Variants in HOXA3 observed in about 807,000 individuals in gnomAD.
HOXA3 encodes the protein homeobox protein Hox-A3.
Under a neutral mutation model 30.3 loss-of-function variants are expected in HOXA3, and 8 were observed. That is an observed-to-expected ratio of 0.26 (90% CI 0.15 to 0.48). The LOEUF (loss-of-function observed/expected upper bound fraction) is 0.48. HOXA3 is among the 20% of genes least tolerant of loss of function. The pLI, the probability that HOXA3 is intolerant of heterozygous loss-of-function variation, is 0.99. For synonymous variants in HOXA3, 323 were observed against 273.1 expected (o/e 1.18, Z -1.80); for missense variants, 653 against 614.4 (o/e 1.06, Z -0.66).
chr7:27,121,270 ATTC>A (rs1224625204), intron 4 of HOXA3: 1 of 136,884 alleles, frequency 7.3e-6, no homozygotes, highest in Non-Finnish European at 1.6e-5. Context: ...TGTATGATAG[ATTC>A]TTATTTAACA....
intron 4 of HOXA3, among the ~76,000 whole-genome samples, chr7:27,115,122 A>T (rs1449164205): frequency 6.6e-6 from 1 of 151,264 alleles, no homozygotes; most frequent in African/African-American, 2.4e-5. Context: ...TCTCAAAGGA[A>T]GGTGTTAAAA....
chr7:27,113,373 G>A lies in HOXA3; in HGVS notation c.-120-2613C>T, dbSNP rs547296471. ...AGCGGGTTCGTCGGATAGGAGCCCCGAGTCCCCTGCCCACCTCTCCTTCCC... is the reference window on the plus strand; with the variant it reads ...AGCGGGTTCGTCGGATAGGAGCCCCAAGTCCCCTGCCCACCTCTCCTTCCC... On this transcript the variant is annotated intron_variant, in intron 4 of 5. Transcript: ENST00000612286. This position sits in a 1 kb window ranked among gnomAD's most constrained non-coding sequence, Gnocchi z 4.8. Among the ~76,000 whole-genome samples, 11 of 152,186 alleles carry A rather than the reference G, an allele frequency of 7.2e-5. No individual in the cohort carries two copies. The East Asian group carries it at 1.9e-3, about 27-fold the overall frequency.
chr7:27,110,258 G>A lies in HOXA3; in HGVS notation c.383C>T (p.Pro128Leu), dbSNP rs765017652. 8 of 1,613,574 alleles carry A rather than the reference G, an allele frequency of 5.0e-6. No homozygotes were observed. In the South Asian group the frequency reaches 7.7e-5, roughly 16 times the overall value. ...GGTAGGGTTGTTGCTGGCATTCTGA[G>A]GAGGGGAGGCAGAAGAGGGAGGCGG... ...APPPPSSASP[P>L]QNASNNPTPA... The change falls in exon 5 of 6, where the codon CCT becomes CTT. Residue 128 changes from proline (P) to leucine (L), a missense_variant. Pro to Leu is a moderately conservative substitution (Grantham distance 98, BLOSUM62 -3). Around this residue, in one of 3 missense-constraint regions of HOXA3, gnomAD observed 320 missense variants for 321.9 expected, o/e 0.99. Transcript: ENST00000612286.
chr7:27,121,206 T>A (rs1476197406), intron 4 of HOXA3: 1 of 148,988 alleles, frequency 6.7e-6, no homozygotes, highest in East Asian at 2.0e-4. Context: ...AAGGCTCTCT[T>A]AGCCCACTGT....
intron 2 of HOXA3, among the ~76,000 whole-genome samples, chr7:27,138,370 C>T (rs1483131330): frequency 6.6e-6 from 1 of 152,198 alleles, no homozygotes; most frequent in Non-Finnish European, 1.5e-5. Flanking sequence ...TAGGTGGCCT[C>T]TGCACAATAA....
chr7:27,118,288 C>T (rs375913763), intron 4 of HOXA3, among the ~76,000 whole-genome samples: 161 of 152,146 alleles, frequency 1.1e-3, no homozygotes, highest in Middle Eastern at 6.8e-3. Flanking sequence ...GAGGTGGGTG[C>T]GTGGGGGTTG....
At chr7:27,144,562 C>T (rs962117996) in intron 1 of HOXA3, among the ~76,000 whole-genome samples, 2 of 152,172 alleles carry the variant, frequency 1.3e-5, no homozygotes, top group Non-Finnish European at 2.9e-5. Flanking sequence ...CCAGCCGGGC[C>T]CCAAGTCGGA....
intron 2 of HOXA3, among the ~76,000 whole-genome samples, chr7:27,139,739 ACTGGGGGTGCGG>A (rs1395495136): frequency 6.6e-6 from 1 of 151,986 alleles, no homozygotes; most frequent in African/African-American, 2.4e-5. Context: ...TGCGCGGGGG[ACTGGGGGTGCGG>A]CCCTGCCAGG....
At chr7:27,109,606 C>G (rs1315073391) in intron 5 of HOXA3, among the ~76,000 whole-genome samples, 2 of 152,230 alleles carry the variant, frequency 1.3e-5, no homozygotes, top group Non-Finnish European at 2.9e-5. Context: ...TTTCATTGTA[C>G]TAAGTCTGAG....
intron 1 of HOXA3, among the ~76,000 whole-genome samples, chr7:27,148,341 G>A (rs1312773039): frequency 6.6e-6 from 1 of 152,266 alleles, no homozygotes; most frequent in Non-Finnish European, 1.5e-5. Context: ...TTGAGCTGGA[G>A]CAAGGGCCAT....
chr7:27,117,191 G>C (rs1784771218), intron 4 of HOXA3, among the ~76,000 whole-genome samples: 1 of 152,200 alleles, frequency 6.6e-6, no homozygotes, highest in African/African-American at 2.4e-5. Context: ...CCTGGCTACA[G>C]CTCTGTTTTG....
At chr7:27,116,346 G>A (rs1458353561) in intron 4 of HOXA3, 4 of 152,726 alleles carry the variant, frequency 2.6e-5, no homozygotes, top group Non-Finnish European at 1.5e-5. Context: ...GGAGGAAGGT[G>A]AGGAATATCG....
intron 4 of HOXA3, among the ~76,000 whole-genome samples, chr7:27,120,766 C>G (rs1364036089): frequency 6.6e-6 from 1 of 152,090 alleles, no homozygotes; most frequent in Non-Finnish European, 1.5e-5. Flanking sequence ...TCTGAAAAGT[C>G]AAAAGACATT....
At chr7:27,129,138 G>C in intron 2 of HOXA3, 1 of 853,680 alleles carries the variant, frequency 1.2e-6, no homozygotes, top group African/African-American at 1.7e-5. Flanking sequence ...TTATGGTCCA[G>C]ATGGGGAGGG....
chr7:27,145,494 TTTGTA>T (rs1782726042), intron 1 of HOXA3: 3 of 746,660 alleles, frequency 4.0e-6, no homozygotes, highest in South Asian at 1.9e-5. Flanking sequence ...TTTGTTTTGT[TTTGTA>T]AGAAATAAAT....
chr7:27,110,810 T>G (rs1784328961), intron 4 of HOXA3, 50 bp from the exon 5 acceptor site: 2 of 892,862 alleles, frequency 2.2e-6, no homozygotes, highest in African/African-American at 1.7e-5. Flanking sequence ...CAAATCCATC[T>G]TACTCTCAAT....
In HOXA3 at chr7:27,110,380, C is replaced by G. The variant is rs1784297499; in HGVS notation, c.261G>C (p.Glu87Asp). Residue 87 changes from glutamate to aspartate, a missense_variant, in exon 5 of 6, where the codon GAG becomes GAC. Transcript: ENST00000612286. ...GGGGCGGCGGCGGGTGCAGGGGCGG[C>G]TCTCCCAGGCTTGGAGGCTGGCTAG... Reference protein sequence around the residue: ...APPSQPPSLGEPPLHPPPPQA... With the variant: ...APPSQPPSLGDPPLHPPPPQA... 3.3e-6 allele frequency: 5 copies of G among 1,518,318 alleles called. No homozygotes were observed. The highest frequency in any genetic ancestry group is 4.4e-6 in the Non-Finnish European group (5 of 1,137,278). 94.1% of individuals were successfully genotyped at this position (1,518,318 alleles called of 1,614,324 possible). A position where few individuals can be genotyped will look rare whatever the true frequency, so the allele number is the denominator to read the frequency against.
intron 1 of HOXA3, chr7:27,151,748 T>C: frequency 2.2e-6 from 1 of 452,372 alleles, no homozygotes. Flanking sequence ...TAGAAAGTGC[T>C]GTGCTGATGC....
rs753008150 is a variant in HOXA3, at chr7:27,147,459, C to T, written c.-494+4829G>A. On this transcript the variant is annotated intron_variant, in intron 1 of 5. Transcript: ENST00000612286. ...AAAAGTGCAGGTAGTCCCCGGGGCC[C>T]CTCTGCTTGCCACTGCCCGAGGGCG... 1.1e-5 allele frequency: 17 copies of T among 1,614,220 alleles called. No individual in the cohort carries two copies. In the East Asian group the frequency reaches 3.8e-4, roughly 36 times the overall value.
Sources: gnomAD v4.1 joint callset for allele counts (sites outside exome capture counted in the v4.1 genomes callset) on GRCh38, gnomAD v4.1.1 for gene constraint, gnomAD v4.1.1 regional missense constraint, Gnocchi (gnomAD v3.1) non-coding constraint, MANE v1.5 for transcripts, NCBI Gene and HGNC (gene_info 2026-07-23, HGNC 2026-07-21) for gene names.